The following WDPCP variants were observed in gnomAD, a reference collection of about 807,000 sequenced individuals.
WDPCP encodes WD repeat-containing and planar cell polarity effector protein fritz homolog.
Under a neutral mutation model 93.1 loss-of-function variants are expected in WDPCP, and 71 were observed. That is an observed-to-expected ratio of 0.76 (90% CI 0.63 to 0.93). WDPCP has a LOEUF of 0.93. Among genes scored for constraint, WDPCP ranks in the 40% least tolerant of loss-of-function variants. The probability of loss-of-function intolerance (pLI) is 0.00; values close to 1 mark genes in which losing one functional copy is unlikely to be tolerated. For synonymous variants in WDPCP, 315 were observed against 315.0 expected (o/e 1.00, Z 0.00); for missense variants, 844 against 887.4 (o/e 0.95, Z 0.62).
chr2:63,529,425 G>A (rs985458877), intron 1 of WDPCP, among the ~76,000 whole-genome samples: 1 of 152,150 alleles, frequency 6.6e-6, no homozygotes, highest in African/African-American at 2.4e-5. Flanking sequence ...TTAGCATGAA[G>A]CGCTGTTGAA....
intron 2 of WDPCP, among the ~76,000 whole-genome samples, chr2:63,719,632 G>A (rs1333478639): frequency 6.6e-6 from 1 of 152,090 alleles, no homozygotes; most frequent in Non-Finnish European, 1.5e-5. Flanking sequence ...TGTGGTGGGT[G>A]GGCTGTGTGG....
At chr2:63,155,046 T>C (rs1672142206) in intron 15 of WDPCP, among the ~76,000 whole-genome samples, 1 of 152,180 alleles carries the variant, frequency 6.6e-6, no homozygotes, top group East Asian at 1.9e-4. Context: ...TACAACTCCT[T>C]TGCTGGATAT....
chr2:63,684,745 A>C (rs1255083191), intron 2 of WDPCP: 2 of 590,826 alleles, frequency 3.4e-6, no homozygotes, highest in Non-Finnish European at 6.5e-6. Flanking sequence ...AAAAATTAAA[A>C]AATAAGAAAA....
intron 1 of WDPCP, among the ~76,000 whole-genome samples, chr2:63,523,267 T>TA (rs1380553876): frequency 6.6e-6 from 1 of 152,146 alleles, no homozygotes; most frequent in Non-Finnish European, 1.5e-5. Flanking sequence ...ACCTTCATGT[T>TA]AAAAACTCTC....
At chr2:63,530,503 T>A (rs186259508) in intron 1 of WDPCP, among the ~76,000 whole-genome samples, 187 of 152,306 alleles carry the variant, frequency 1.2e-3, no homozygotes, top group African/African-American at 4.2e-3. Context: ...GTTCCCCTCC[T>A]ATAATGCAGC....
At chr2:63,354,237 C>CCTT (rs1387707697) in intron 12 of WDPCP, among the ~76,000 whole-genome samples, 8 of 152,192 alleles carry the variant, frequency 5.3e-5, no homozygotes, top group Admixed American at 5.2e-4. Flanking sequence ...ACAGCACAGA[C>CCTT]CTTCCATCCT....
At chr2:63,313,128 TA>T in intron 13 of WDPCP, 119 bp downstream of exon 13, 3 of 885,844 alleles carry the variant, frequency 3.4e-6, no homozygotes, top group Non-Finnish European at 3.7e-6. Flanking sequence ...CAAGATGGAA[TA>T]ATGCTTTCCC....
intron 1 of WDPCP, among the ~76,000 whole-genome samples, chr2:63,573,104 G>C (rs1361543921): frequency 6.6e-6 from 1 of 152,012 alleles, no homozygotes; most frequent in African/African-American, 2.4e-5. Flanking sequence ...TTTTTTAATT[G>C]GCTGGTGGCA....
chr2:63,521,453 G>T (rs1433186981), intron 1 of WDPCP, among the ~76,000 whole-genome samples: 1 of 152,024 alleles, frequency 6.6e-6, no homozygotes, highest in Admixed American at 6.6e-5. Flanking sequence ...AATCAAAAAA[G>T]ACAAAGAAGG....
At chr2:63,430,606 G>C (rs1696672604) in intron 9 of WDPCP, among the ~76,000 whole-genome samples, 1 of 152,152 alleles carries the variant, frequency 6.6e-6, no homozygotes, top group Admixed American at 6.5e-5. Flanking sequence ...CTGTTGGGCT[G>C]GGCGTGGTGG....
chr2:63,182,390 C>A (rs1343967672), intron 14 of WDPCP, among the ~76,000 whole-genome samples: 2 of 151,960 alleles, frequency 1.3e-5, no homozygotes, highest in East Asian at 3.9e-4. Context: ...TTTTCTGTAT[C>A]TATTGAGATA....
At chr2:63,424,338 C>T (rs551816162) in intron 9 of WDPCP, among the ~76,000 whole-genome samples, 1 of 152,082 alleles carries the variant, frequency 6.6e-6, no homozygotes, top group Non-Finnish European at 1.5e-5. Context: ...CTCCATTTTC[C>T]TCCAGGTAGT....
intron 3 of WDPCP, among the ~76,000 whole-genome samples, chr2:63,640,750 C>T (rs938134103): frequency 7.2e-5 from 11 of 152,050 alleles, no homozygotes; most frequent in African/African-American, 2.7e-4. Context: ...GAATGCAATG[C>T]GTAATAATCA....
chr2:63,482,920 T>G (rs1700353890), intron 6 of WDPCP, among the ~76,000 whole-genome samples: 1 of 151,956 alleles, frequency 6.6e-6, no homozygotes, highest in Non-Finnish European at 1.5e-5. Context: ...ACCGATTAGA[T>G]TACTGTAAAT....
chr2:63,358,161 A>C (rs781763730), intron 12 of WDPCP, among the ~76,000 whole-genome samples: 9 of 152,164 alleles, frequency 5.9e-5, no homozygotes, highest in Admixed American at 3.3e-4. Flanking sequence ...GTAATGAAAT[A>C]ATCTGTACAA....
chr2:63,763,877 G>A (rs1279583663), intron 2 of WDPCP, among the ~76,000 whole-genome samples: 1 of 152,124 alleles, frequency 6.6e-6, no homozygotes, highest in African/African-American at 2.4e-5. Flanking sequence ...GTTGGGGGGA[G>A]GGTCACAGAT....
chr2:63,324,418 C>G (rs979165342), intron 12 of WDPCP, among the ~76,000 whole-genome samples: 2 of 152,150 alleles, frequency 1.3e-5, no homozygotes, highest in African/African-American at 4.8e-5. Flanking sequence ...TCGGTTACGT[C>G]CCCTTCAAGC....
At chr2:63,739,716 T>C (rs1669687431) in intron 2 of WDPCP, among the ~76,000 whole-genome samples, 1 of 152,084 alleles carries the variant, frequency 6.6e-6, no homozygotes. Context: ...GTGTTCCCTT[T>C]TCTTGACAAC....
upstream of WDPCP, chr2:63,588,611 G>T: frequency 2.0e-6 from 1 of 498,284 alleles, no homozygotes; most frequent in Non-Finnish European, 3.7e-6. Context: ...TCAGTCACGC[G>T]CGTGGGGGTG....
Sources: allele counts gnomAD v4.1 joint callset (sites outside exome capture counted in the v4.1 genomes callset), GRCh38; gene constraint gnomAD v4.1.1; transcripts MANE v1.5; gene names NCBI Gene and HGNC (gene_info 2026-07-23, HGNC 2026-07-21).